The following DNAJC16 variants were observed in gnomAD, a reference collection of about 807,000 sequenced individuals.
DNAJC16 encodes DnaJ heat shock protein family (Hsp40) member C16.
A neutral mutation model predicts 92.7 loss-of-function variants in DNAJC16; 76 were observed. The ratio of observed to expected loss-of-function variants is 0.82; its 90% CI spans 0.68 to 0.99. The LOEUF is 0.99. Among genes scored for constraint, DNAJC16 ranks in the 50% least tolerant of loss-of-function variants. DNAJC16 has a pLI of 0.00. For missense variants in DNAJC16, 869 were observed against 942.4 expected, an observed-to-expected ratio of 0.92 and a Z score of 1.02; for synonymous variants, 328 against 358.7, an observed-to-expected ratio of 0.91 and a Z score of 0.97.
At chr1:15,562,938 TC>T (rs1215075245) in intron 9 of DNAJC16, among the ~76,000 whole-genome samples, 1 of 149,594 alleles carries the variant, frequency 6.7e-6, no homozygotes, top group Non-Finnish European at 1.5e-5. Flanking sequence ...TCTTGCAGCA[TC>T]CTAGATCCTA....
intron 6 of DNAJC16, among the ~76,000 whole-genome samples, chr1:15,547,921 C>G (rs145150954): frequency 8.7e-4 from 133 of 152,246 alleles, no homozygotes; most frequent in African/African-American, 3.0e-3. Flanking sequence ...GTCACTGTGA[C>G]ATGAGACGGA....
At chr1:15,537,409 T>C (rs974134995) in intron 4 of DNAJC16, among the ~76,000 whole-genome samples, 2 of 152,164 alleles carry the variant, frequency 1.3e-5, no homozygotes, top group Non-Finnish European at 2.9e-5. Context: ...ATCCCTGACC[T>C]TGAGTTCACC....
At chr1:15,555,088 A>C (rs1454771881) in intron 7 of DNAJC16, among the ~76,000 whole-genome samples, 2 of 150,900 alleles carry the variant, frequency 1.3e-5, no homozygotes, top group African/African-American at 4.9e-5. Context: ...TTTAAAAAAG[A>C]ATGTAGGCCA....
In DNAJC16 at chr1:15,567,077, ACTC is replaced by A; in HGVS notation, c.1779-18_1779-16del. ...TTCCCCCTATCCTGACAGCATCTTA[ACTC>A]CTCAATATTTCTCCACAGCAAGATT... On this transcript the variant is annotated intron_variant, in intron 13 of 14. Transcript: ENST00000375847. The A allele has an allele frequency of 6.3e-7, 1 of 1,598,322 alleles. No individual in the cohort carries two copies. The highest frequency in any genetic ancestry group is 8.6e-7 in the Non-Finnish European group (1 of 1,167,016).
intron 6 of DNAJC16, among the ~76,000 whole-genome samples, chr1:15,547,299 T>C (rs1178530303): frequency 6.6e-6 from 1 of 151,964 alleles, no homozygotes; most frequent in African/African-American, 2.4e-5. Context: ...ATGTGCGTGC[T>C]ACCATGCCCA....
At chr1:15,567,298 A>ATG (rs1038725179) in intron 14 of DNAJC16, 29 bp downstream of exon 14, 31 of 1,595,532 alleles carry the variant, frequency 1.9e-5, no homozygotes, top group African/African-American at 2.7e-5. Flanking sequence ...GCATGTATGT[A>ATG]TGTGTGTGAG....
Position 15,570,792 on chromosome 1 carries a change from A to C in DNAJC16, c.*2615A>C, listed in dbSNP as rs1345835478. 3 of 152,178 alleles carry C rather than the reference A, an allele frequency of 2.0e-5. No homozygotes were observed. The highest frequency in any genetic ancestry group is 7.2e-5 in the African/African-American group (3 of 41,442). 9.4% of individuals were successfully genotyped at this position (152,178 alleles called of 1,614,324 possible). ...CATGAATTTGTTTACTTTTGCGTCA[A>C]ACATATGAGCCATTGTCATGCTCAG... On this transcript the variant is annotated 3_prime_UTR_variant, in exon 15 of 15. Coordinates refer to ENST00000375847, the MANE Select transcript of DNAJC16 (RefSeq NM_015291.4).
intron 3 of DNAJC16, among the ~76,000 whole-genome samples, chr1:15,536,107 C>G (rs1366669088): frequency 8.3e-6 from 1 of 120,948 alleles, no homozygotes; most frequent in Non-Finnish European, 1.6e-5. Context: ...GAGTTTCGCT[C>G]TTGTTGCCTA....
In DNAJC16 at chr1:15,546,832, T is replaced by C. The variant is rs1175591129; in HGVS notation, c.825T>C (p.Leu275=). 2 of 1,613,882 alleles carry C rather than the reference T, an allele frequency of 1.2e-6. No homozygotes were observed. Among genetic ancestry groups the C allele is most frequent in the Non-Finnish European group, 1.7e-6 (2 of 1,179,964 alleles). Residue 275 remains leucine, a synonymous_variant, in exon 6 of 15, where the codon CTT becomes CTC. Coordinates refer to ENST00000375847, the MANE Select transcript of DNAJC16 (RefSeq NM_015291.4). The part of the protein sequence containing the change: ...GWQQENKPHV[L]LFDQTPIVPL... ...AGCAAGAGAATAAGCCTCATGTCCT[T>C]CTGTTTGACCAAACGCCCATTGTGC...
chr1:15,536,072 C>CTT (rs758451008), intron 3 of DNAJC16, among the ~76,000 whole-genome samples: 1,331 of 84,070 alleles, frequency 0.016, 28 homozygotes, highest in African/African-American at 0.032. Flanking sequence ...CTTTTCTTTT[C>CTT]TTTTTTTTTT....
rs1710596707 is a variant in DNAJC16, at chr1:15,529,224, C to T, written c.119C>T (p.Ala40Val). 7 of 1,612,966 alleles carry T rather than the reference C, an allele frequency of 4.3e-6. No individual in the cohort carries two copies. The African/African-American group carries it at 5.3e-5, about 12-fold the overall frequency. ...AGAGTCCTAGGGGTCAGCCGAACAG[C>T]CAGTCAGGCTGATATTAAAAAGGCT... ...PYRVLGVSRT[A>V]SQADIKKAYK... is the part of the protein sequence containing the mutation. Residue 40 changes from alanine to valine, a missense_variant, in exon 2 of 15, where the codon GCC becomes GTC. Ala to Val is a moderately conservative substitution (Grantham distance 64). Coordinates refer to ENST00000375847, the MANE Select transcript of DNAJC16 (RefSeq NM_015291.4).
intron 9 of DNAJC16, among the ~76,000 whole-genome samples, chr1:15,562,678 G>C (rs1227362399): frequency 6.6e-6 from 1 of 151,508 alleles, no homozygotes; most frequent in African/African-American, 2.4e-5. Context: ...TGTAGAGATA[G>C]GGTTTCGACA....
At chr1:15,548,535 TCAGA>T (rs1638366288) in intron 7 of DNAJC16, 107 bp downstream of exon 7, 2 of 1,105,594 alleles carry the variant, frequency 1.8e-6, no homozygotes, top group Non-Finnish European at 2.5e-6. Context: ...GGATCTTCCT[TCAGA>T]TGCACAAAAT....
At chr1:15,543,977 G>A (rs1441095141) in intron 4 of DNAJC16, among the ~76,000 whole-genome samples, 1 of 152,092 alleles carries the variant, frequency 6.6e-6, no homozygotes, top group African/African-American at 2.4e-5. Flanking sequence ...GAGAAGTCTA[G>A]TAGACATCCA....
In DNAJC16 at chr1:15,567,805, G is replaced by A. The variant is rs752762013; in HGVS notation, c.1977G>A (p.Leu659=). The A allele has an allele frequency of 1.4e-5, 22 of 1,613,894 alleles. No individual in the cohort carries two copies. The Admixed American group carries it at 3.7e-4, about 27-fold the overall frequency. Residue 659 remains leucine, a synonymous_variant, in exon 15 of 15, where the codon CTG becomes CTA. Transcript: ENST00000375847. ...GCAGCTGCCTACACTTCTCCTTCCT[G>A]AGTCTAGATAAACACAGAGAATGGC... The part of the protein sequence containing the change: ...TGSSCLHFSF[L]SLDKHREWLE...
At chr1:15,531,388 G>A (rs1710656421) in intron 2 of DNAJC16, among the ~76,000 whole-genome samples, 1 of 152,198 alleles carries the variant, frequency 6.6e-6, no homozygotes, top group South Asian at 2.1e-4. Flanking sequence ...TGCCAAAGAA[G>A]CAATCTCTAA....
chr1:15,551,379 A>C (rs1028719299), intron 7 of DNAJC16, among the ~76,000 whole-genome samples: 1 of 152,222 alleles, frequency 6.6e-6, no homozygotes, highest in African/African-American at 2.4e-5. Flanking sequence ...TTTACTTGGA[A>C]GAATGACAGA....
rs1638319425 is a variant in DNAJC16 at position 15,546,863 on chromosome 1, T to A, written c.856T>A (p.Leu286Ile). The part of the protein sequence containing the change: ...LFDQTPIVPL[L>I]YKLTAFAYKD... Reference sequence around the variant, plus strand: ...TGACCAAACGCCCATTGTGCCACTGTTATACAAGGTACTTTCTATGCTAGG... The same window carrying A: ...TGACCAAACGCCCATTGTGCCACTGATATACAAGGTACTTTCTATGCTAGG... The change falls in exon 6 of 15, where the codon TTA (leucine) becomes ATA (isoleucine). Residue 286 changes from leucine to isoleucine, a missense_variant. By Grantham distance (5) the Leu-to-Ile change is conservative (BLOSUM62 2). Coordinates refer to ENST00000375847, the MANE Select transcript of DNAJC16 (RefSeq NM_015291.4). The A allele has an allele frequency of 1.1e-5, 17 of 1,607,548 alleles. No individual in the cohort carries two copies. Among genetic ancestry groups the A allele is most frequent in the Non-Finnish European group, 1.4e-5 (17 of 1,176,496 alleles).
chr1:15,543,356 C>G (rs562263391), intron 4 of DNAJC16, among the ~76,000 whole-genome samples: 8 of 152,204 alleles, frequency 5.3e-5, no homozygotes, highest in Non-Finnish European at 1.2e-4. Context: ...CACGGAGATG[C>G]ACACTTCAGG....
Sources: allele counts gnomAD v4.1 joint callset (sites outside exome capture counted in the v4.1 genomes callset), GRCh38; gene constraint gnomAD v4.1.1; transcripts MANE v1.5; gene names NCBI Gene and HGNC (gene_info 2026-07-23, HGNC 2026-07-21).